ZNF282: variants seen among roughly 807,000 people sequenced by gnomAD.
The protein encoded by ZNF282 is zinc finger protein 282, also known as HTLV-I U5 repressive element-binding protein 1.
A neutral mutation model predicts 61.9 loss-of-function variants in ZNF282; 30 were observed. That is an observed-to-expected ratio of 0.48 (90% CI 0.36 to 0.66). The LOEUF (loss-of-function observed/expected upper bound fraction) is 0.66. ZNF282 is among the 30% of genes least tolerant of loss of function. The probability of loss-of-function intolerance (pLI) is 0.00; values close to 1 mark genes in which losing one functional copy is unlikely to be tolerated. For missense variants in ZNF282, 788 were observed against 941.4 expected, an observed-to-expected ratio of 0.84 and a Z score of 2.13; for synonymous variants, 396 against 405.0, an observed-to-expected ratio of 0.98 and a Z score of 0.27.
At chr7:149,220,366 C>T (rs957008762) in intron 7 of ZNF282, among the ~76,000 whole-genome samples, 2 of 151,552 alleles carry the variant, frequency 1.3e-5, no homozygotes, top group Admixed American at 6.6e-5. Flanking sequence ...GAGCTGAGAT[C>T]GCGCCACTGC....
chr7:149,210,970 T>C (rs996145189), intron 5 of ZNF282, among the ~76,000 whole-genome samples: 2 of 152,240 alleles, frequency 1.3e-5, no homozygotes, highest in African/African-American at 4.8e-5. Flanking sequence ...TTTGTAACTA[T>C]TCCATCTTCC....
At chr7:149,212,326 A>G (rs1563178636) in intron 5 of ZNF282, 32 bp from the exon 6 acceptor site, 2 of 1,533,708 alleles carry the variant, frequency 1.3e-6, no homozygotes, top group Admixed American at 1.9e-5. Context: ...CGCATCTTCT[A>G]ACACCTTTGC....
At chr7:149,221,491 T>G (rs922341296) in intron 7 of ZNF282, among the ~76,000 whole-genome samples, 1 of 152,126 alleles carries the variant, frequency 6.6e-6, no homozygotes, top group African/African-American at 2.4e-5. Flanking sequence ...CCCTGGGAGT[T>G]TATGTGCATA....
rs2129523799 is a variant in ZNF282, at chr7:149,224,078, G to A, written c.1447G>A (p.Gly483Ser). 3 of 1,236,070 alleles carry A rather than the reference G, an allele frequency of 2.4e-6. No homozygotes were observed. The highest frequency in any genetic ancestry group is 3.0e-6 in the Non-Finnish European group (3 of 989,770). 76.6% of individuals were successfully genotyped at this position (1,236,070 alleles called of 1,614,324 possible). A position where few individuals can be genotyped will look rare whatever the true frequency, so the allele number is the denominator to read the frequency against. ...GGGGGDGGGG[G>S]GGAEAGTGAG... ...CGGCGGGGGCGATGGGGGCGGTGGG[G>A]GCGGCGGCGCGGAGGCGGGGACGGG... Residue 483 changes from glycine to serine, a missense_variant, in exon 8 of 8, where the codon GGC (glycine) becomes AGC (serine). Around this residue, in one of 3 missense-constraint regions of ZNF282, gnomAD observed 559 missense variants for 642.0 expected, o/e 0.87. Transcript: ENST00000610704.
chr7:149,208,768 T>C lies in ZNF282; in HGVS notation c.832+1298T>C, dbSNP rs1251132736. Among the ~76,000 whole-genome samples the C allele has an allele frequency of 5.4e-4, 77 of 142,006 alleles. No individual in the cohort carries two copies. In the Middle Eastern group the frequency reaches 0.013, roughly 25 times the overall value. 93.2% of individuals were successfully genotyped at this position (142,006 alleles called of 152,430 possible). On this transcript the variant is annotated intron_variant, in intron 4 of 7. Transcript: ENST00000610704. The stretch of plus-strand genomic sequence containing the variant: ...GCACGGTGGCTCACGCCTGTAATCC[T>C]AGCACTTTGGGAGGCCGAGGTGGGC...
At position 149,224,876 on chromosome 7, in the gene ZNF282, C is replaced by G; in HGVS notation, c.*229C>G. On this transcript the variant is annotated 3_prime_UTR_variant, in exon 8 of 8. Coordinates refer to ENST00000610704, the MANE Select transcript of ZNF282 (RefSeq NM_003575.4). ...TGCTGGGGAAGAGCCAGGGGGACCG[C>G]GAGGAGCCGAGCGTCCTCGGGCACC... 1.3e-6 allele frequency: 1 copy of G among 743,644 alleles called. No individual in the cohort carries two copies. Among genetic ancestry groups the G allele is most frequent in the South Asian group, 2.2e-5 (1 of 45,152 alleles). 46.1% of individuals were successfully genotyped at this position (743,644 alleles called of 1,614,324 possible).
intron 2 of ZNF282, among the ~76,000 whole-genome samples, chr7:149,199,138 T>G (rs1206818657): frequency 2.0e-5 from 3 of 152,172 alleles, no homozygotes; most frequent in Non-Finnish European, 4.4e-5. Context: ...GAGTCGCACC[T>G]CAAACCAGGC....
At position 149,224,224 on chromosome 7, in the gene ZNF282, G is replaced by A. The variant is rs762099755; in HGVS notation, c.1593G>A (p.Lys531=). 1.8e-5 allele frequency: 29 copies of A among 1,610,942 alleles called. No individual in the cohort carries two copies. The highest frequency in any genetic ancestry group is 2.5e-5 in the Non-Finnish European group (29 of 1,179,864). ...GCGGCAAGAGCTTCGGCGTGCGCAA[G>A]AGCCTCATCATCCACCACCGCAGCC... is the stretch of plus-strand genomic sequence containing the variant. ...PECGKSFGVR[K]SLIIHHRSHT... The change falls in exon 8 of 8, where the codon AAG becomes AAA. Residue 531 remains lysine (K), a synonymous_variant. Coordinates refer to ENST00000610704, the MANE Select transcript of ZNF282 (RefSeq NM_003575.4).
intron 2 of ZNF282, among the ~76,000 whole-genome samples, chr7:149,204,735 A>C (rs1452101445): frequency 6.6e-6 from 1 of 152,194 alleles, no homozygotes; most frequent in East Asian, 1.9e-4. Context: ...TCAGCAAGAG[A>C]CAAACAAGAA....
Position 149,207,380 on chromosome 7 carries a change from G to A in ZNF282, c.742G>A (p.Ala248Thr). Reference sequence around the variant, plus strand: ...GGAGGGCTCAGTCCCCAAGCCAGATGCTCCAGTCCAGGCTGAGCCCAGGGA... The same window carrying A: ...GGAGGGCTCAGTCCCCAAGCCAGATACTCCAGTCCAGGCTGAGCCCAGGGA... ...DAEGSVPKPD[A>T]PVQAEPREEP... The change falls in exon 4 of 8, where the codon GCT becomes ACT. Residue 248 changes from alanine (A) to threonine (T), a missense_variant. Physicochemically the swap from Ala to Thr is moderately conservative, Grantham distance 58. This residue lies in a region of ZNF282 where 559 missense variants were observed against 642.0 expected (regional missense o/e 0.87). Transcript: ENST00000610704. 1.3e-6 allele frequency: 2 copies of A among 1,585,178 alleles called. No individual in the cohort carries two copies. The highest frequency in any genetic ancestry group is 1.7e-6 in the Non-Finnish European group (2 of 1,163,988).
At position 149,224,791 on chromosome 7, in the gene ZNF282, G is replaced by T; in HGVS notation, c.*144G>T. The T allele has an allele frequency of 7.4e-7, 1 of 1,354,652 alleles. No individual in the cohort carries two copies. Among genetic ancestry groups the T allele is most frequent in the Non-Finnish European group, 9.7e-7 (1 of 1,027,052 alleles). The allele number at this position is 1,354,652 out of a possible 1,614,324, so 83.9% of individuals were successfully genotyped here. On this transcript the variant is annotated 3_prime_UTR_variant, in exon 8 of 8. Transcript: ENST00000610704. The stretch of plus-strand genomic sequence containing the variant: ...GTTGGGGGTCCCCCAGGGTGGGGCA[G>T]GGATCCCCCAGATCTGTCTGGTCTG...
At chr7:149,221,975 C>T (rs888531368) in intron 7 of ZNF282, among the ~76,000 whole-genome samples, 11 of 151,710 alleles carry the variant, frequency 7.3e-5, no homozygotes, top group Non-Finnish European at 1.3e-4. Flanking sequence ...CCACAGGCTT[C>T]CCCTAAATTG....
rs1433961264 is a variant in ZNF282 at position 149,224,167 on chromosome 7, C to T, written c.1536C>T (p.Gly512=). 2.5e-6 allele frequency: 4 copies of T among 1,583,448 alleles called. No individual in the cohort carries two copies. The highest frequency in any genetic ancestry group is 2.6e-6 in the Non-Finnish European group (3 of 1,170,812). Reference sequence around the variant, plus strand: ...TGCGGCGGAGCCTCCTCCTGCACGGCGCCCGCAGCAAGCCCTACTCGTGCC... The same window carrying T: ...TGCGGCGGAGCCTCCTCCTGCACGGTGCCCGCAGCAAGCCCTACTCGTGCC... ...GGLRRSLLLH[G]ARSKPYSCPE... The change falls in exon 8 of 8, where the codon GGC becomes GGT. Residue 512 remains glycine, a synonymous_variant. Coordinates refer to ENST00000610704, the MANE Select transcript of ZNF282 (RefSeq NM_003575.4).
intron 4 of ZNF282, among the ~76,000 whole-genome samples, chr7:149,208,351 C>T (rs1796030464): frequency 6.6e-6 from 1 of 152,112 alleles, no homozygotes; most frequent in African/African-American, 2.4e-5. Flanking sequence ...TACAGGCATA[C>T]ACCACTGCGC....
At chr7:149,208,793 C>T (rs1463168505) in intron 4 of ZNF282, among the ~76,000 whole-genome samples, 4 of 150,428 alleles carry the variant, frequency 2.7e-5, no homozygotes, top group Non-Finnish European at 5.9e-5. Context: ...CCGAGGTGGG[C>T]GGATTAGCTG....
intron 7 of ZNF282, among the ~76,000 whole-genome samples, chr7:149,220,814 G>A (rs149937983): frequency 1.7e-4 from 26 of 152,182 alleles, no homozygotes; most frequent in East Asian, 1.2e-3. Context: ...GGGGAGGGGC[G>A]TAGGATAGAG....
At chr7:149,212,563 T>C (rs1381040500) in intron 6 of ZNF282, 92 bp downstream of exon 6, 1 of 1,002,286 alleles carries the variant, frequency 1.0e-6, no homozygotes, top group East Asian at 2.7e-5. Flanking sequence ...ATGCAGCTGA[T>C]ACTAAAATTA....
At chr7:149,199,216 C>T (rs1275185179) in intron 2 of ZNF282, among the ~76,000 whole-genome samples, 4 of 152,184 alleles carry the variant, frequency 2.6e-5, no homozygotes, top group Non-Finnish European at 4.4e-5. Context: ...TCAGAATGCA[C>T]ACTCCGTATC....
Position 149,212,338 on chromosome 7 carries a change from G to C in ZNF282, c.953-20G>C, listed in dbSNP as rs777770963. The C allele has an allele frequency of 1.3e-6, 2 of 1,576,700 alleles. No homozygotes were observed. The highest frequency in any genetic ancestry group is 1.4e-5 in the African/African-American group (1 of 73,426). On this transcript the variant is annotated intron_variant, in intron 5 of 7. Coordinates refer to ENST00000610704, the MANE Select transcript of ZNF282 (RefSeq NM_003575.4). Reference sequence around the variant, plus strand: ...TTTCGCATCTTCTAACACCTTTGCCGCTCTTGTTCCCGCAAGTAGACTCCC... The same window carrying C: ...TTTCGCATCTTCTAACACCTTTGCCCCTCTTGTTCCCGCAAGTAGACTCCC...
Sources: allele counts gnomAD v4.1 joint callset (sites outside exome capture counted in the v4.1 genomes callset), GRCh38; gene constraint gnomAD v4.1.1; regional missense constraint gnomAD v4.1.1; transcripts MANE v1.5; gene names NCBI Gene and HGNC (gene_info 2026-07-23, HGNC 2026-07-21).